The following DNAH7 variants were observed in gnomAD, a reference collection of about 807,000 sequenced individuals.
The protein encoded by DNAH7 is dynein axonemal heavy chain 7, also known as axonemal beta dynein heavy chain 7.
Under a neutral mutation model 444.6 loss-of-function variants are expected in DNAH7, and 397 were observed. That is an observed-to-expected ratio of 0.89 (90% CI 0.82 to 0.97). DNAH7 has a LOEUF of 0.97. Ranked by LOEUF, DNAH7 falls within the 50% of genes least tolerant of loss-of-function variation. The probability of loss-of-function intolerance (pLI) is 0.00; values close to 1 mark genes in which losing one functional copy is unlikely to be tolerated. For synonymous variants in DNAH7, 1,636 were observed against 1,624.4 expected (o/e 1.01, Z -0.17); for missense variants, 4,902 against 4,800.8 (o/e 1.02, Z -0.62).
chr2:195,848,737 T>G (rs1699171393), intron 46 of DNAH7, among the ~76,000 whole-genome samples: 1 of 152,144 alleles, frequency 6.6e-6, no homozygotes, highest in African/African-American at 2.4e-5. Flanking sequence ...ACATGTTTCC[T>G]GGGGGTTGGG....
chr2:196,044,160 CATCA>C (rs1405459022), intron 5 of DNAH7, among the ~76,000 whole-genome samples: 5 of 151,096 alleles, frequency 3.3e-5, no homozygotes, highest in South Asian at 2.1e-4. Flanking sequence ...CCTAAATGCT[CATCA>C]ATCAATGAGT....
intron 47 of DNAH7, among the ~76,000 whole-genome samples, chr2:195,835,513 C>T (rs553972666): frequency 6.6e-6 from 1 of 151,784 alleles, no homozygotes; most frequent in Non-Finnish European, 1.5e-5. Flanking sequence ...ATAAAAAAAA[C>T]CATATTTTTA....
intron 5 of DNAH7, among the ~76,000 whole-genome samples, chr2:196,030,207 A>T (rs566426582): frequency 6.6e-6 from 1 of 152,316 alleles, no homozygotes; most frequent in African/African-American, 2.4e-5. Flanking sequence ...TAGCAGAAAG[A>T]CAGAGAAATG....
At chr2:195,823,210 C>T (rs1697555427) in intron 49 of DNAH7, among the ~76,000 whole-genome samples, 1 of 152,134 alleles carries the variant, frequency 6.6e-6, no homozygotes, top group South Asian at 2.1e-4. Context: ...CCAAGAATTT[C>T]CATGTTTTAA....
intron 8 of DNAH7, among the ~76,000 whole-genome samples, chr2:196,021,593 G>A (rs1695385781): frequency 6.6e-6 from 1 of 151,998 alleles, no homozygotes; most frequent in Non-Finnish European, 1.5e-5. Flanking sequence ...GCCAAGGTGG[G>A]AGGATTTCTT....
intron 54 of DNAH7, among the ~76,000 whole-genome samples, chr2:195,803,126 C>T (rs975844973): frequency 7.2e-5 from 11 of 152,146 alleles, no homozygotes; most frequent in African/African-American, 2.2e-4. Flanking sequence ...GGTCTTTTCT[C>T]GATAGATTTT....
intron 48 of DNAH7, among the ~76,000 whole-genome samples, chr2:195,830,809 T>C (rs937674540): frequency 1.3e-5 from 2 of 152,240 alleles, no homozygotes; most frequent in African/African-American, 4.8e-5. Flanking sequence ...ATCCTCATTT[T>C]GTCTGTAATC....
At position 196,050,808 on chromosome 2, in the gene DNAH7, C is replaced by T. The variant is rs150270992; in HGVS notation, c.141+379G>A. ...GAAGACCCATCTCCTTGAAGATCAT[C>T]AAATCAACTCAGCTCATTTTCAAAC... On this transcript the variant is annotated intron_variant, in intron 3 of 64. Coordinates refer to ENST00000312428, the MANE Select transcript of DNAH7 (RefSeq NM_018897.3). 6.6e-5 allele frequency among the ~76,000 whole-genome samples: 10 copies of T among 152,256 alleles called. No homozygotes were observed. In the East Asian group the frequency reaches 1.9e-3, roughly 29 times the overall value.
At position 195,864,462 on chromosome 2, in the gene DNAH7, A is replaced by G. The variant is rs772617039; in HGVS notation, c.7193T>C (p.Phe2398Ser). 24 of 1,614,092 alleles carry G rather than the reference A, an allele frequency of 1.5e-5. No homozygotes were observed. In the South Asian group the frequency reaches 2.5e-4, roughly 17 times the overall value. ...CTCTTCTTTAATTTGAGTATCTGTA[A>G]ACAGGAAGACACCCTGCATCTCACC... ...AEGEMQGVFL[F>S]TDTQIKEESF... The change falls in exon 41 of 65, where the codon TTT becomes TCT. Residue 2398 changes from phenylalanine (F) to serine (S), a missense_variant. Transcript: ENST00000312428.
chr2:195,807,088 C>T (rs1696749186), intron 53 of DNAH7, among the ~76,000 whole-genome samples: 1 of 151,836 alleles, frequency 6.6e-6, no homozygotes, highest in Non-Finnish European at 1.5e-5. Flanking sequence ...CAAAATGATC[C>T]CTATTATGAA....
At chr2:195,990,914 T>TATATACATATATATACTTAA in intron 12 of DNAH7, among the ~76,000 whole-genome samples, 1 of 118,084 alleles carries the variant, frequency 8.5e-6, no homozygotes, top group Non-Finnish European at 1.8e-5. Context: ...TATACTTAAA[T>TATATACATATATATACTTAA]ATATATACAT....
At chr2:196,030,574 A>C (rs1695989041) in intron 5 of DNAH7, among the ~76,000 whole-genome samples, 1 of 152,236 alleles carries the variant, frequency 6.6e-6, no homozygotes, top group Non-Finnish European at 1.5e-5. Flanking sequence ...GCCTATGAGC[A>C]TGTAAAGTCA....
At chr2:195,845,202 T>C (rs368250178) in intron 46 of DNAH7, 37 bp from the exon 47 acceptor site, 2 of 1,548,220 alleles carry the variant, frequency 1.3e-6, no homozygotes, top group Non-Finnish European at 1.8e-6. Context: ...GAAATGAGAC[T>C]GGAGGTTATC....
chr2:195,796,422 G>T (rs1201667892), intron 56 of DNAH7, among the ~76,000 whole-genome samples, 154 bp downstream of exon 56: 1 of 152,132 alleles, frequency 6.6e-6, no homozygotes, highest in Non-Finnish European at 1.5e-5. Context: ...CTCCAGATCT[G>T]GTTTTCAATG....
intron 30 of DNAH7, 23 bp from the exon 31 acceptor site, chr2:195,891,827 T>C: frequency 6.5e-7 from 1 of 1,534,228 alleles, no homozygotes; most frequent in Non-Finnish European, 8.8e-7. Flanking sequence ...AAAAAACATT[T>C]ATTTATGTAA....
chr2:195,900,168 G>C, intron 28 of DNAH7, 114 bp downstream of exon 28: 1 of 1,167,852 alleles, frequency 8.6e-7, no homozygotes, highest in East Asian at 2.4e-5. Flanking sequence ...TTTAATAATT[G>C]ATTTTTTTCA....
chr2:195,895,784 T>C (rs1702273041), intron 29 of DNAH7, among the ~76,000 whole-genome samples: 2 of 152,322 alleles, frequency 1.3e-5, no homozygotes, highest in African/African-American at 2.4e-5. Flanking sequence ...GTCTAGACTT[T>C]AATATAAATG....
intron 15 of DNAH7, among the ~76,000 whole-genome samples, chr2:195,976,406 T>C (rs576827155): frequency 5.9e-5 from 9 of 152,214 alleles, no homozygotes; most frequent in Non-Finnish European, 8.8e-5. Flanking sequence ...TCAGCTGCAA[T>C]AGAGTAGAGT....
Position 195,969,970 on chromosome 2 carries a change from T to G in DNAH7, c.2183A>C (p.Lys728Thr). ...TACCTTATCTGCAGCTAAATCCAAC[T>G]TTCCATTCAGTATTTGAGCCTTTTT... is the stretch of plus-strand genomic sequence containing the variant. ...YLKKAQILNGKLDLAADKIEQ... is the reference protein window; with the variant it reads ...YLKKAQILNGTLDLAADKIEQ... The change falls in exon 17 of 65, where the codon AAG (lysine) becomes ACG (threonine). Residue 728 changes from lysine (K) to threonine (T), a missense_variant. Coordinates refer to ENST00000312428, the MANE Select transcript of DNAH7 (RefSeq NM_018897.3). The G allele has an allele frequency of 6.2e-7, 1 of 1,607,226 alleles. No homozygotes were observed. The highest frequency in any genetic ancestry group is 8.5e-7 in the Non-Finnish European group (1 of 1,178,360).
Sources: allele counts gnomAD v4.1 joint callset (sites outside exome capture counted in the v4.1 genomes callset), GRCh38; gene constraint gnomAD v4.1.1; transcripts MANE v1.5; gene names NCBI Gene and HGNC (gene_info 2026-07-23, HGNC 2026-07-21).